FBN3: variants seen among roughly 807,000 people sequenced by gnomAD.
FBN3 encodes the protein fibrillin-3.
A neutral mutation model predicts 330.1 loss-of-function variants in FBN3; 234 were observed. The ratio of observed to expected loss-of-function variants is 0.71; its 90% confidence interval spans 0.64 to 0.79. The LOEUF is 0.79. Among genes scored for constraint, FBN3 ranks in the 30% least tolerant of loss-of-function variants. The probability of loss-of-function intolerance (pLI) is 0.00; values close to 1 mark genes in which losing one functional copy is unlikely to be tolerated. For synonymous variants in FBN3, 1,458 were observed against 1,517.3 expected, an observed-to-expected ratio of 0.96 and a Z score of 0.91; for missense variants, 3,606 against 3,886.9, an observed-to-expected ratio of 0.93 and a Z score of 1.92.
intron 40 of FBN3, among the ~76,000 whole-genome samples, 157 bp downstream of exon 40, chr19:8,102,567 C>T (rs1184907919): frequency 6.6e-6 from 1 of 152,136 alleles, no homozygotes; most frequent in Non-Finnish European, 1.5e-5. Flanking sequence ...TTCTTCACAG[C>T]AGTATGAGAA....
At chr19:8,123,381 C>A in intron 24 of FBN3, 83 bp downstream of exon 24, 7 of 1,359,284 alleles carry the variant, frequency 5.1e-6, no homozygotes, top group African/African-American at 1.5e-5. Context: ...AGAAAAAGAA[C>A]AGGTGTTGTC....
intron 32 of FBN3, among the ~76,000 whole-genome samples, 162 bp from the exon 33 acceptor site, chr19:8,111,345 C>T (rs961434433): frequency 1.3e-5 from 2 of 152,034 alleles, no homozygotes; most frequent in African/African-American, 4.8e-5. Context: ...GGCGAGTGAC[C>T]GAGGCAGGGA....
At chr19:8,114,043 A>T (rs1051745291) in intron 30 of FBN3, among the ~76,000 whole-genome samples, 1 of 151,828 alleles carries the variant, frequency 6.6e-6, no homozygotes, top group African/African-American at 2.4e-5. Context: ...ATAAAAAAAA[A>T]TAGATACACA....
rs1469697130 is a variant in FBN3, at chr19:8,086,448, T to TTAG, written c.6755-124_6755-123insCTA. ...TTGCTTATTTTTATTTTATTTATTTTTATTATTATTATTATTATTATTTTT... is the reference window on the plus strand; with the variant it reads ...TTGCTTATTTTTATTTTATTTATTTTTAGTATTATTATTATTATTATTATTTTT... On this transcript the variant is annotated intron_variant, in intron 54 of 63. Coordinates refer to ENST00000600128, the MANE Select transcript of FBN3 (RefSeq NM_032447.5). 109 of 248,396 alleles carry TTAG rather than the reference T, an allele frequency of 4.4e-4. 1 individual carries two copies. The African/African-American group carries it at 4.7e-3, about 11-fold the overall frequency. The allele number at this position is 248,396 out of a possible 1,614,324, so 15.4% of individuals were successfully genotyped here.
chr19:8,117,354 C>T, intron 27 of FBN3, 63 bp from the exon 28 acceptor site: 1 of 1,482,736 alleles, frequency 6.7e-7, no homozygotes, highest in East Asian at 2.5e-5. Context: ...GGGGAGGGGG[C>T]TGGTTTGGGG....
In FBN3 at chr19:8,066,082, C is replaced by T. The variant is rs990576924; in HGVS notation, c.8267G>A (p.Arg2756His). The change falls in exon 64 of 64, where the codon CGT becomes CAT. Residue 2756 changes from arginine (R) to histidine (H), a missense_variant. Transcript: ENST00000600128. Reference protein sequence around the residue: ...EQGFFRMHHLRGVSSLQLGRR... With the variant: ...EQGFFRMHHLHGVSSLQLGRR... The stretch of plus-strand genomic sequence containing the variant: ...CCCCAGCTGCAGGGAGCTGACGCCA[C>T]GGAGGTGATGCATGCGAAAGAAACC... The T allele has an allele frequency of 7.9e-5, 127 of 1,613,322 alleles. No individual in the cohort carries two copies. The highest frequency in any genetic ancestry group is 1.1e-4 in the Non-Finnish European group (126 of 1,179,990).
chr19:8,121,265 G>T lies in FBN3; in HGVS notation c.3204C>A (p.Asn1068Lys). 1 of 1,606,290 alleles carries T rather than the reference G, an allele frequency of 6.2e-7. No homozygotes were observed. The highest frequency in any genetic ancestry group is 1.1e-5 in the South Asian group (1 of 89,618). Residue 1068 changes from asparagine (N) to lysine (K), a missense_variant, in exon 25 of 64, where the codon AAC (asparagine) becomes AAA (lysine). Transcript: ENST00000600128. This position sits in a 1 kb window ranked among gnomAD's most constrained non-coding sequence, Gnocchi z 4.5. ...GYESGFMLMK[N>K]CMDVDECARD... Reference sequence around the variant, plus strand: ...TGCCCGGCAGTCACCGACCCATGCAGTTCTTCATCAGCATGAAGCCACTCT... The same window carrying T: ...TGCCCGGCAGTCACCGACCCATGCATTTCTTCATCAGCATGAAGCCACTCT...
Position 8,149,127 on chromosome 19 carries a change from A to T in FBN3, c.-18+322T>A, listed in dbSNP as rs1233738490. On this transcript the variant is annotated intron_variant, in intron 1 of 63. Transcript: ENST00000600128. The surrounding 1 kb of genome is among the most constrained non-coding windows in gnomAD (Gnocchi z 5.5). ...GGGATACCAAGCTTCGCCGACGGGG[A>T]GGGGGCGCCCCCGGAGCCCGCGGGG... Among the ~76,000 whole-genome samples, 1 of 151,764 alleles carries T rather than the reference A, an allele frequency of 6.6e-6. No homozygotes were observed. The highest frequency in any genetic ancestry group is 1.9e-4 in the East Asian group (1 of 5,138).
rs1266255508 is a variant in FBN3, at chr19:8,119,076, G to C, written c.3212-54C>G. ...GGCATGAAGGTGCTGATGCAGGGAGGGGGTGATGAGGCTCATGCTGGCTTC... is the reference window on the plus strand; with the variant it reads ...GGCATGAAGGTGCTGATGCAGGGAGCGGGTGATGAGGCTCATGCTGGCTTC... On this transcript the variant is annotated intron_variant, in intron 25 of 63. Transcript: ENST00000600128. The C allele has an allele frequency of 7.1e-6, 11 of 1,549,624 alleles. No homozygotes were observed. In the Admixed American group the frequency reaches 1.4e-4, roughly 20 times the overall value.
intron 18 of FBN3, among the ~76,000 whole-genome samples, chr19:8,127,066 T>TG (rs932606836): frequency 6.1e-5 from 9 of 148,740 alleles, no homozygotes; most frequent in African/African-American, 2.0e-4. Context: ...TTTGTTTTTT[T>TG]TTTTTTTTTG....
rs776334239 is a variant in FBN3, at chr19:8,080,986, G to A, written c.7453+17C>T. 1 of 1,561,142 alleles carries A rather than the reference G, an allele frequency of 6.4e-7. No homozygotes were observed. Among genetic ancestry groups the A allele is most frequent in the South Asian group, 1.1e-5 (1 of 90,282 alleles). On this transcript the variant is annotated intron_variant, in intron 59 of 63. Transcript: ENST00000600128. The stretch of plus-strand genomic sequence containing the variant: ...GGGTCATGGGTCACCTCCCGGTGAG[G>A]GGCAAGGGTCACTCACCGAAGCAGG...
intron 28 of FBN3, 28 bp downstream of exon 28, chr19:8,117,141 G>A: frequency 6.2e-7 from 1 of 1,613,148 alleles, no homozygotes; most frequent in Non-Finnish European, 8.5e-7. Context: ...TCCACACCAG[G>A]CAGTGGGAAG....
chr19:8,092,320 C>T (rs553430544), intron 47 of FBN3, among the ~76,000 whole-genome samples: 20 of 152,148 alleles, frequency 1.3e-4, no homozygotes, highest in Admixed American at 2.6e-4. Flanking sequence ...AATTCACAAT[C>T]GCAAAAATCT....
chr19:8,121,345 C>T lies in FBN3; in HGVS notation c.3124G>A (p.Gly1042Ser). ...CTGCCCGGCGTGTTGACACAGGTGC[C>T]CTGGCCGCAGAGGTCAGGAGAGATG... ...CRISPDLCGQ[G>S]TCVNTPGSFE... The change falls in exon 25 of 64, where the codon GGC becomes AGC. Residue 1042 changes from glycine to serine, a missense_variant. Gly to Ser is a moderately conservative substitution (Grantham distance 56, BLOSUM62 0). Transcript: ENST00000600128. This position sits in a 1 kb window ranked among gnomAD's most constrained non-coding sequence, Gnocchi z 4.5. 1.2e-6 allele frequency: 2 copies of T among 1,613,438 alleles called. No homozygotes were observed. Among genetic ancestry groups the T allele is most frequent in the South Asian group, 1.1e-5 (1 of 90,984 alleles).
At chr19:8,102,107 G>A (rs998396350) in intron 40 of FBN3, among the ~76,000 whole-genome samples, 1 of 152,160 alleles carries the variant, frequency 6.6e-6, no homozygotes, top group Non-Finnish European at 1.5e-5. Flanking sequence ...TCTCTTGCCT[G>A]CCACCATGTA....
chr19:8,068,862 G>C (rs1213384076), intron 63 of FBN3, among the ~76,000 whole-genome samples: 9 of 152,062 alleles, frequency 5.9e-5, no homozygotes. Flanking sequence ...GAGAGGCAGG[G>C]AAACGGCCAC....
intron 22 of FBN3, among the ~76,000 whole-genome samples, chr19:8,124,893 C>T (rs143277689): frequency 1.1e-4 from 17 of 152,264 alleles, no homozygotes; most frequent in African/African-American, 4.1e-4. Flanking sequence ...GGTGAACATA[C>T]GTCATTATAC....
chr19:8,087,651 G>A (rs2144672320), intron 53 of FBN3, among the ~76,000 whole-genome samples, 174 bp downstream of exon 53: 1 of 137,994 alleles, frequency 7.2e-6, no homozygotes, highest in Non-Finnish European at 1.5e-5. Flanking sequence ...TTGTCGCCCA[G>A]GCTGGAGTGC....
At chr19:8,093,346 T>A (rs763695514) in intron 47 of FBN3, among the ~76,000 whole-genome samples, 5 of 151,726 alleles carry the variant, frequency 3.3e-5, no homozygotes, top group Non-Finnish European at 4.4e-5. Flanking sequence ...AAATTGGGCC[T>A]GGCGCAATGG....
Sources: allele counts gnomAD v4.1 joint callset (sites outside exome capture counted in the v4.1 genomes callset), GRCh38; gene constraint gnomAD v4.1.1; non-coding constraint Gnocchi (gnomAD v3.1); transcripts MANE v1.5; gene names NCBI Gene and HGNC (gene_info 2026-07-23, HGNC 2026-07-21).